The following WNT4 variants were observed in gnomAD, a reference collection of about 807,000 sequenced individuals.
The protein encoded by WNT4 is protein Wnt-4.
In WNT4, 16 loss-of-function variants were observed where a neutral mutation model predicts 34.5. The ratio of observed to expected loss-of-function variants is 0.46; its 90% CI spans 0.31 to 0.70. The LOEUF is 0.70. Among genes scored for constraint, WNT4 ranks in the 30% least tolerant of loss-of-function variants. WNT4 has a pLI of 0.04. For synonymous variants in WNT4, 200 were observed against 211.9 expected (o/e 0.94, Z 0.49); for missense variants, 379 against 495.9 (o/e 0.76, Z 2.24).
chr1:22,141,616 G>C (rs1646067876), intron 1 of WNT4, among the ~76,000 whole-genome samples: 1 of 151,070 alleles, frequency 6.6e-6, no homozygotes, highest in African/African-American at 2.4e-5. Context: ...GGAGTCGTTT[G>C]CTCTCGGAAC....
intron 2 of WNT4, chr1:22,127,319 C>A (rs751125185): frequency 1.9e-6 from 1 of 530,464 alleles, no homozygotes; most frequent in Non-Finnish European, 3.9e-6. Flanking sequence ...GTTCCTCCCC[C>A]AAAGGTAAGG....
At position 22,140,690 on chromosome 1, in the gene WNT4, G is replaced by A. The variant is rs950237786; in HGVS notation, c.77+2156C>T. Among the ~76,000 whole-genome samples, 7 of 152,212 alleles carry A rather than the reference G, an allele frequency of 4.6e-5. No individual in the cohort carries two copies. Among genetic ancestry groups the A allele is most frequent in the African/African-American group, 1.4e-4 (6 of 41,450 alleles). On this transcript the variant is annotated intron_variant, in intron 1 of 4. Coordinates refer to ENST00000290167, the MANE Select transcript of WNT4 (RefSeq NM_030761.5). The surrounding 1 kb of genome is among the most constrained non-coding windows in gnomAD (Gnocchi z 5.9). ...TGTGCCCAGTGTCTTCTCCTTCATA[G>A]CCTCTCTGGTTTGGGAGGGTCCTGG...
At position 22,140,360 on chromosome 1, in the gene WNT4, G is replaced by T; in HGVS notation, c.77+2486C>A. 1 of 715,824 alleles carries T rather than the reference G, an allele frequency of 1.4e-6. No individual in the cohort carries two copies. Among genetic ancestry groups the T allele is most frequent in the Non-Finnish European group, 1.7e-6 (1 of 583,802 alleles). The allele number at this position is 715,824 out of a possible 1,614,324, so 44.3% of individuals were successfully genotyped here. On this transcript the variant is annotated intron_variant, in intron 1 of 4. Coordinates refer to ENST00000290167, the MANE Select transcript of WNT4 (RefSeq NM_030761.5). This position sits in a 1 kb window ranked among gnomAD's most constrained non-coding sequence, Gnocchi z 5.9. ...ATCCCCAATCTTCTCATCTGTAACG[G>T]GATTGAAACGTTGTTGGGATTTAGA...
chr1:22,130,346 C>T (rs994628084), intron 1 of WNT4, among the ~76,000 whole-genome samples: 1 of 152,334 alleles, frequency 6.6e-6, no homozygotes, highest in African/African-American at 2.4e-5. Flanking sequence ...CAGCCACATC[C>T]TAGGACCACC....
chr1:22,140,214 G>T lies in WNT4; in HGVS notation c.77+2632C>A. On this transcript the variant is annotated intron_variant, in intron 1 of 4. Coordinates refer to ENST00000290167, the MANE Select transcript of WNT4 (RefSeq NM_030761.5). The surrounding 1 kb of genome is among the most constrained non-coding windows in gnomAD (Gnocchi z 5.9). ...CATACCTCACACTTGAAAAGACACA[G>T]TGCCAGCCATCATGCCTGCATGGAC... 3.0e-6 allele frequency: 3 copies of T among 985,418 alleles called. No individual in the cohort carries two copies. The highest frequency in any genetic ancestry group is 3.6e-6 in the Non-Finnish European group (3 of 829,936). The allele number at this position is 985,418 out of a possible 1,614,324, so 61.0% of individuals were successfully genotyped here.
intron 2 of WNT4, chr1:22,127,591 G>A: frequency 2.4e-6 from 1 of 418,024 alleles, no homozygotes; most frequent in Middle Eastern, 4.0e-4. Flanking sequence ...TCTAAAAGGT[G>A]TGCTAGAAGC....
rs1557930039 is a variant in WNT4 at position 22,134,038 on chromosome 1, G to A, written c.78-4187C>T. Among the ~76,000 whole-genome samples the A allele has an allele frequency of 6.6e-6, 1 of 152,260 alleles. No homozygotes were observed. Among genetic ancestry groups the A allele is most frequent in the East Asian group, 1.9e-4 (1 of 5,196 alleles). ...ACTCCTCCCAGCTCTTACGCTGTGA[G>A]TCAAGAGGAGAGGGGACGGGAAATA... On this transcript the variant is annotated intron_variant, in intron 1 of 4. Coordinates refer to ENST00000290167, the MANE Select transcript of WNT4 (RefSeq NM_030761.5). This position sits in a 1 kb window ranked among gnomAD's most constrained non-coding sequence, Gnocchi z 4.1.
At chr1:22,121,136 G>A (rs1395561367) in intron 4 of WNT4, 75 bp downstream of exon 4, 25 of 1,515,886 alleles carry the variant, frequency 1.6e-5, no homozygotes, top group South Asian at 1.5e-4. Flanking sequence ...CTGAGTGGCC[G>A]TGTGGGTGGG....
chr1:22,125,911 T>A (rs1437812843), intron 2 of WNT4, among the ~76,000 whole-genome samples: 1 of 152,236 alleles, frequency 6.6e-6, no homozygotes, highest in African/African-American at 2.4e-5. Context: ...TATTTAACGA[T>A]CCATTCAATA....
At position 22,120,259 on chromosome 1, in the gene WNT4, C is replaced by T. The variant is rs1367925458; in HGVS notation, c.847G>A (p.Asp283Asn). Reference sequence around the variant, plus strand: ...GTGCCCAGCACGCCGCTGCGCATGTCCTGCTCACAGAAGTCGGGGCTAGGC... The same window carrying T: ...GTGCCCAGCACGCCGCTGCGCATGTTCTGCTCACAGAAGTCGGGGCTAGGC... Reference protein sequence around the residue: ...LEPSPDFCEQDMRSGVLGTRG... With the variant: ...LEPSPDFCEQNMRSGVLGTRG... The change falls in exon 5 of 5, where the codon GAC (aspartate) becomes AAC (asparagine). Residue 283 changes from aspartate (D) to asparagine (N), a missense_variant. Transcript: ENST00000290167. 6.2e-7 allele frequency: 1 copy of T among 1,614,084 alleles called. No homozygotes were observed. The highest frequency in any genetic ancestry group is 2.2e-5 in the East Asian group (1 of 44,898).
chr1:22,138,132 T>G (rs1026942417), intron 1 of WNT4, among the ~76,000 whole-genome samples: 1 of 152,034 alleles, frequency 6.6e-6, no homozygotes, highest in Non-Finnish European at 1.5e-5. Context: ...TAGACTAGAG[T>G]TATATATAAT....
Position 22,120,126 on chromosome 1 carries a change from C to T in WNT4, c.980G>A (p.Ser327Asn). 1 of 1,613,288 alleles carries T rather than the reference C, an allele frequency of 6.2e-7. No individual in the cohort carries two copies. Among genetic ancestry groups the T allele is most frequent in the Non-Finnish European group, 8.5e-7 (1 of 1,179,856 alleles). Residue 327 changes from serine (S) to asparagine (N), a missense_variant, in exon 5 of 5, where the codon AGC (serine) becomes AAC (asparagine). By Grantham distance (46) the Ser-to-Asn change is conservative (BLOSUM62 1). Around this residue, in one of 2 missense-constraint regions of WNT4, gnomAD observed 313 missense variants for 445.8 expected, o/e 0.70. Transcript: ENST00000290167. Reference sequence around the variant, plus strand: ...GAAGCAGCACCAGTGGAATTTGCAGCTGCAGCGTTCAGCCAGCTCCACCTG... The same window carrying T: ...GAAGCAGCACCAGTGGAATTTGCAGTTGCAGCGTTCAGCCAGCTCCACCTG... ...TAQVELAERC[S>N]CKFHWCCFVK...
intron 2 of WNT4, among the ~76,000 whole-genome samples, chr1:22,124,701 C>T (rs950916077): frequency 6.6e-6 from 1 of 152,130 alleles, no homozygotes; most frequent in African/African-American, 2.4e-5. Flanking sequence ...CTTTTCAGAG[C>T]GTATCACTTG....
intron 2 of WNT4, among the ~76,000 whole-genome samples, chr1:22,121,787 T>C (rs1645900734): frequency 6.6e-6 from 1 of 152,224 alleles, no homozygotes; most frequent in Non-Finnish European, 1.5e-5. Flanking sequence ...GGCTTAGGGC[T>C]TTTCAAACGT....
In WNT4 at chr1:22,139,059, G is replaced by A. The variant is rs1300284704; in HGVS notation, c.77+3787C>T. ...CCAGGCTAGGTCTTCCTGACTCTGG[G>A]AGGCTCCTGCGGGGGCCCTTGTTGA... On this transcript the variant is annotated intron_variant, in intron 1 of 4. Coordinates refer to ENST00000290167, the MANE Select transcript of WNT4 (RefSeq NM_030761.5). This position sits in a 1 kb window ranked among gnomAD's most constrained non-coding sequence, Gnocchi z 4.6. Among the ~76,000 whole-genome samples the A allele has an allele frequency of 6.6e-6, 1 of 152,196 alleles. No individual in the cohort carries two copies. Among genetic ancestry groups the A allele is most frequent in the Admixed American group, 6.5e-5 (1 of 15,290 alleles).
rs1646005859 is a variant in WNT4, at chr1:22,134,346, C to T, written c.78-4495G>A. ...CAGTGGGGGCGAAAGTGACCACAGT[C>T]CCCATCTAGGACTGTGTTCTTAGGG... On this transcript the variant is annotated intron_variant, in intron 1 of 4. Coordinates refer to ENST00000290167, the MANE Select transcript of WNT4 (RefSeq NM_030761.5). The surrounding 1 kb of genome is among the most constrained non-coding windows in gnomAD (Gnocchi z 4.1). Among the ~76,000 whole-genome samples, 1 of 152,184 alleles carries T rather than the reference C, an allele frequency of 6.6e-6. No individual in the cohort carries two copies. The highest frequency in any genetic ancestry group is 1.5e-5 in the Non-Finnish European group (1 of 68,028).
At chr1:22,135,524 G>A (rs988241285) in intron 1 of WNT4, among the ~76,000 whole-genome samples, 7 of 152,188 alleles carry the variant, frequency 4.6e-5, no homozygotes, top group Non-Finnish European at 7.4e-5. Context: ...AGAGCCCCAT[G>A]TCTTTTCTGA....
intron 1 of WNT4, among the ~76,000 whole-genome samples, chr1:22,136,900 G>T (rs991781648): frequency 1.3e-5 from 2 of 152,194 alleles, no homozygotes; most frequent in Non-Finnish European, 2.9e-5. Flanking sequence ...CTCAGGAGGG[G>T]CTATTCTGCT....
intron 2 of WNT4, chr1:22,127,214 C>T (rs1259076994): frequency 2.2e-6 from 1 of 463,908 alleles, no homozygotes; most frequent in Non-Finnish European, 4.5e-6. Flanking sequence ...ACGTTCGACT[C>T]CACCAGTCAG....
Sources: gnomAD v4.1 joint callset for allele counts (sites outside exome capture counted in the v4.1 genomes callset) on GRCh38, gnomAD v4.1.1 for gene constraint, gnomAD v4.1.1 regional missense constraint, Gnocchi (gnomAD v3.1) non-coding constraint, MANE v1.5 for transcripts, NCBI Gene and HGNC (gene_info 2026-07-23, HGNC 2026-07-21) for gene names.